The following NEBL variants were observed in gnomAD, a reference collection of about 807,000 sequenced individuals.
NEBL encodes nebulette.
In NEBL, 122 loss-of-function variants were observed where a neutral mutation model predicts 140.2. The observed-to-expected ratio is 0.87, with a 90% CI of 0.75 to 1.01. NEBL has a LOEUF of 1.01. Ranked by LOEUF, NEBL falls within the 50% of genes least tolerant of loss-of-function variation. The probability of loss-of-function intolerance (pLI) is 0.00; values close to 1 mark genes in which losing one functional copy is unlikely to be tolerated. For missense variants in NEBL, 1,365 were observed against 1,231.3 expected (o/e 1.11, Z -1.62); for synonymous variants, 436 against 398.9 (o/e 1.09, Z -1.11).
rs76228872 is a variant in NEBL at position 21,280,401 on chromosome 10, G to C, written n.182+12429C>G. ...GAATTGTAAGTCCCTTTAGGAGTTG[G>C]ATTTCGGGCAAAGAGCAATGAATGG... On this transcript the variant is annotated intron_variant and non_coding_transcript_variant, in intron 1 of 8. Transcript: ENST00000675702. Among the ~76,000 whole-genome samples, 295 of 152,252 alleles carry C rather than the reference G, an allele frequency of 1.9e-3. 1 individual carries two copies. The highest frequency in any genetic ancestry group is 6.9e-3 in the African/African-American group (288 of 41,536).
chr10:20,902,299 G>A (rs933740138), upstream of NEBL, among the ~76,000 whole-genome samples: 16 of 151,938 alleles, frequency 1.1e-4, no homozygotes, highest in South Asian at 4.2e-4. Context: ...CCAGCTACTC[G>A]GGAGGCTGAG....
In NEBL at chr10:20,880,576, A is replaced by G. The variant is rs186438146; in HGVS notation, c.480+218T>C. On this transcript the variant is annotated intron_variant, in intron 5 of 27. Transcript: ENST00000377122. Reference sequence around the variant, plus strand: ...CTACATTTGTCTTGTACAAAGCAAAATTCCAATGCCTGAAAGTGCCTGACA... The same window carrying G: ...CTACATTTGTCTTGTACAAAGCAAAGTTCCAATGCCTGAAAGTGCCTGACA... Among the ~76,000 whole-genome samples, 30 of 152,316 alleles carry G rather than the reference A, an allele frequency of 2.0e-4. 1 individual carries two copies. The East Asian group carries it at 5.2e-3, about 26-fold the overall frequency.
chr10:21,181,883 A>T (rs1232654006), intron 3 of NEBL, among the ~76,000 whole-genome samples: 1 of 152,184 alleles, frequency 6.6e-6, no homozygotes, highest in African/African-American at 2.4e-5. Context: ...TGACTGGCCC[A>T]GCTCACTTTT....
chr10:20,919,685 CA>C (rs1833487662), intron 4 of NEBL, among the ~76,000 whole-genome samples: 1 of 151,968 alleles, frequency 6.6e-6, no homozygotes, highest in African/African-American at 2.4e-5. Context: ...AGATAAATTC[CA>C]AATGAGATCC....
At position 20,819,607 on chromosome 10, in the gene NEBL, T is replaced by C. The variant is rs11012352; in HGVS notation, c.1963-91A>G. Reference sequence around the variant, plus strand: ...AGATTTTTTTTAAATGTCACATGGCTACAGAACATTCATTAATAAGATCAT... The same window carrying C: ...AGATTTTTTTTAAATGTCACATGGCCACAGAACATTCATTAATAAGATCAT... On this transcript the variant is annotated intron_variant, in intron 19 of 27. Coordinates refer to ENST00000377122, the MANE Select transcript of NEBL (RefSeq NM_006393.3). 327 of 1,425,700 alleles carry C rather than the reference T, an allele frequency of 2.3e-4. 2 individuals carry two copies. In the East Asian group the frequency reaches 6.3e-3, roughly 27 times the overall value. The allele number at this position is 1,425,700 out of a possible 1,614,324, so 88.3% of individuals were successfully genotyped here. A position where few individuals can be genotyped will look rare whatever the true frequency, so the allele number is the denominator to read the frequency against.
intron 2 of NEBL, chr10:21,110,715 C>G: frequency 2.0e-6 from 1 of 498,462 alleles, no homozygotes; most frequent in South Asian, 1.5e-5. Flanking sequence ...CATGAGCCCC[C>G]TGAGGCCCCA....
At chr10:21,022,205 C>G (rs1480508342) in intron 2 of NEBL, among the ~76,000 whole-genome samples, 2 of 152,176 alleles carry the variant, frequency 1.3e-5, no homozygotes, top group Admixed American at 1.3e-4. Flanking sequence ...CCTCAAAGAA[C>G]ATCCTCCCTG....
intron 3 of NEBL, among the ~76,000 whole-genome samples, chr10:21,229,728 G>A (rs536966760): frequency 6.6e-6 from 1 of 152,294 alleles, no homozygotes; most frequent in East Asian, 1.9e-4. Context: ...GGAGCAGATG[G>A]GCCTAGCTTT....
intron 26 of NEBL, among the ~76,000 whole-genome samples, chr10:20,803,808 G>GAAAAAAAAA (rs148789208): frequency 1.5e-5 from 2 of 136,318 alleles, no homozygotes; most frequent in African/African-American, 5.6e-5. Context: ...CCTTCTGTAC[G>GAAAAAAAAA]AAAAATATAT....
chr10:20,999,697 C>T (rs1054253939), intron 3 of NEBL, among the ~76,000 whole-genome samples: 2 of 152,204 alleles, frequency 1.3e-5, no homozygotes, highest in Non-Finnish European at 2.9e-5. Context: ...ATTTTCCCTA[C>T]ACTCACTGGG....
chr10:21,166,215 G>A, intron 2 of NEBL, among the ~76,000 whole-genome samples: 1 of 87,634 alleles, frequency 1.1e-5, no homozygotes, highest in Non-Finnish European at 2.0e-5. Context: ...GCGAGACTGT[G>A]TCTCAAAAAA....
chr10:21,233,815 T>TG (rs1842302930), intron 3 of NEBL, among the ~76,000 whole-genome samples: 3 of 140,778 alleles, frequency 2.1e-5, no homozygotes, highest in South Asian at 4.2e-4. Context: ...TAGATATATA[T>TG]TACATATATA....
intron 2 of NEBL, among the ~76,000 whole-genome samples, chr10:21,027,921 C>A (rs1833582781): frequency 6.6e-6 from 1 of 151,990 alleles, no homozygotes; most frequent in Non-Finnish European, 1.5e-5. Flanking sequence ...TCAAAATTAT[C>A]TTTAAAGAAT....
chr10:20,879,455 T>C (rs989174090), intron 5 of NEBL, among the ~76,000 whole-genome samples: 6 of 152,228 alleles, frequency 3.9e-5, no homozygotes, highest in African/African-American at 1.2e-4. Flanking sequence ...TCTTAAACTA[T>C]GTTAGAAAAG....
intron 4 of NEBL, among the ~76,000 whole-genome samples, chr10:20,935,222 A>C (rs1433285474): frequency 6.6e-6 from 1 of 152,218 alleles, no homozygotes; most frequent in Non-Finnish European, 1.5e-5. Flanking sequence ...TCTCAGATGG[A>C]GATTTTGTAT....
chr10:21,174,236 C>G (rs940363485), upstream of NEBL: 4 of 172,328 alleles, frequency 2.3e-5, no homozygotes, highest in African/African-American at 9.6e-5. Flanking sequence ...ACGTGCACGT[C>G]GGGCACCCTG....
Position 20,868,772 on chromosome 10 carries a change from T to A in NEBL, c.583-7A>T. 1 of 1,565,976 alleles carries A rather than the reference T, an allele frequency of 6.4e-7. No individual in the cohort carries two copies. The highest frequency in any genetic ancestry group is 8.8e-7 in the Non-Finnish European group (1 of 1,137,440). Reference sequence around the variant, plus strand: ...GTCCTTTCTTGTATTCTGCCTAAAATGAATAAATAAGACAATGTTAAATAT... The same window carrying A: ...GTCCTTTCTTGTATTCTGCCTAAAAAGAATAAATAAGACAATGTTAAATAT... On this transcript the variant is annotated splice_polypyrimidine_tract_variant and splice_region_variant and intron_variant, in intron 6 of 27. Transcript: ENST00000377122.
At chr10:20,812,663 C>A in intron 24 of NEBL, 106 bp downstream of exon 24, 3 of 1,399,164 alleles carry the variant, frequency 2.1e-6, no homozygotes, top group Non-Finnish European at 3.0e-6. Flanking sequence ...GGTACCACAA[C>A]CAACATGTGA....
At chr10:21,129,354 C>T (rs1419844923) in intron 2 of NEBL, among the ~76,000 whole-genome samples, 1 of 151,784 alleles carries the variant, frequency 6.6e-6, no homozygotes, top group Non-Finnish European at 1.5e-5. Flanking sequence ...TCAAGCCATC[C>T]TCCCACCTTA....
Sources: gnomAD v4.1 joint callset for allele counts (sites outside exome capture counted in the v4.1 genomes callset) on GRCh38, gnomAD v4.1.1 for gene constraint, MANE v1.5 for transcripts, NCBI Gene and HGNC (gene_info 2026-07-23, HGNC 2026-07-21) for gene names.